Variants in CSK observed in about 807,000 individuals in gnomAD.
CSK encodes C-terminal Src kinase, also known as tyrosine-protein kinase CSK.
Under a neutral mutation model 62.3 loss-of-function variants are expected in CSK, and 7 were observed. The ratio of observed to expected loss-of-function variants is 0.11; its 90% CI spans 0.06 to 0.21. The LOEUF is 0.21. Among genes scored for constraint, CSK ranks in the 10% least tolerant of loss-of-function variants. The probability of loss-of-function intolerance (pLI) is 1.00; values close to 1 mark genes in which losing one functional copy is unlikely to be tolerated. For synonymous variants in CSK, 237 were observed against 246.0 expected (o/e 0.96, Z 0.34); for missense variants, 294 against 613.5 (o/e 0.48, Z 5.50).
At chr15:74,786,642 G>A (rs144256629) in intron 1 of CSK, among the ~76,000 whole-genome samples, 55 of 152,284 alleles carry the variant, frequency 3.6e-4, no homozygotes, top group African/African-American at 1.3e-3. Flanking sequence ...ACCTGAGTGT[G>A]TATCACTGTG....
rs772936161 is a variant in CSK, at chr15:74,800,389, A to T, written c.463-23A>T. The T allele has an allele frequency of 9.9e-6, 16 of 1,609,818 alleles. No individual in the cohort carries two copies. In the East Asian group the frequency reaches 3.3e-4, roughly 34 times the overall value. On this transcript the variant is annotated intron_variant, in intron 5 of 12. Coordinates refer to ENST00000220003, the MANE Select transcript of CSK (RefSeq NM_004383.3). ...GGGGCACCTTGGGCTGTCTCTGAGC[A>T]CCCTGCCCCCCACACCCTGCAGCAC... is the stretch of plus-strand genomic sequence containing the variant.
chr15:74,788,204 C>T (rs1406362970), intron 1 of CSK, among the ~76,000 whole-genome samples: 1 of 152,200 alleles, frequency 6.6e-6, no homozygotes, highest in East Asian at 1.9e-4. Flanking sequence ...CCTCGACAGG[C>T]TCTTGGCCTC....
chr15:74,794,051 G>A (rs1024151967), intron 1 of CSK, among the ~76,000 whole-genome samples: 3 of 152,128 alleles, frequency 2.0e-5, no homozygotes, highest in Admixed American at 2.0e-4. Context: ...CTGTGAAATG[G>A]GGGTAAGAGG....
chr15:74,796,749 A>G (rs891104940), intron 1 of CSK, among the ~76,000 whole-genome samples: 1 of 152,188 alleles, frequency 6.6e-6, no homozygotes, highest in Non-Finnish European at 1.5e-5. Flanking sequence ...GACCCACTTC[A>G]TGATTGGGCT....
Position 74,786,042 on chromosome 15 carries a change from T to TGTGA in CSK, c.-66+3323_-66+3324insTGAG, listed in dbSNP as rs1316590295. Among the ~76,000 whole-genome samples the TGTGA allele has an allele frequency of 7.0e-5, 8 of 114,896 alleles. No individual in the cohort carries two copies. The East Asian group carries it at 9.0e-4, about 13-fold the overall frequency. The allele number at this position is 114,896 out of a possible 152,430, so 75.4% of individuals were successfully genotyped here. On this transcript the variant is annotated intron_variant, in intron 1 of 12. Coordinates refer to ENST00000220003, the MANE Select transcript of CSK (RefSeq NM_004383.3). ...GTGTGTGTGTGTGTGTGTGTGTGTG[T>TGTGA]GAGATGGAGTTTTGCTCTTGTTGCC... is the stretch of plus-strand genomic sequence containing the variant.
intron 4 of CSK, 150 bp downstream of exon 4, chr15:74,799,088 AGCAG>A: frequency 1.0e-6 from 1 of 960,576 alleles, no homozygotes; most frequent in Non-Finnish European, 1.5e-6. Flanking sequence ...GACCTCACAG[AGCAG>A]GGCTGGGGGC....
rs370918283 is a variant in CSK, at chr15:74,801,894, G to C, written c.1083+4G>C. ...CCCTGAGGCCCTGAGAGAGAAGGTG[G>C]GGCTGGCCTCCCCTGGGGCCTACAG... On this transcript the variant is annotated splice_donor_region_variant and intron_variant, in intron 11 of 12. Coordinates refer to ENST00000220003, the MANE Select transcript of CSK (RefSeq NM_004383.3). 6.2e-7 allele frequency: 1 copy of C among 1,609,352 alleles called. No individual in the cohort carries two copies. The highest frequency in any genetic ancestry group is 1.3e-5 in the African/African-American group (1 of 74,820).
intron 1 of CSK, among the ~76,000 whole-genome samples, chr15:74,796,604 A>G (rs1489212336): frequency 1.3e-5 from 2 of 152,086 alleles, no homozygotes; most frequent in Non-Finnish European, 2.9e-5. Flanking sequence ...AAAAAAAAAA[A>G]AAAAAGAAAA....
intron 12 of CSK, 33 bp from the exon 13 acceptor site, chr15:74,802,298 C>T (rs747852409): frequency 1.3e-6 from 2 of 1,551,792 alleles, no homozygotes; most frequent in East Asian, 2.3e-5. Context: ...GAGGCCAGGG[C>T]CTGGACTGAC....
rs2063445812 is a variant in CSK, at chr15:74,782,247, C to CG, written c.-538dup. On this transcript the variant is annotated 5_prime_UTR_variant, in exon 1 of 13. Transcript: ENST00000220003. This position sits in a 1 kb window ranked among gnomAD's most constrained non-coding sequence, Gnocchi z 5.7. Reference sequence around the variant, plus strand: ...CTGCCGGGGTGGGGTCCGAGCCGGGCGACCGCCCGGCTGCGCCGCCGTCGG... The same window carrying CG: ...CTGCCGGGGTGGGGTCCGAGCCGGGCGGACCGCCCGGCTGCGCCGCCGTCGG... 6.7e-6 allele frequency: 1 copy of CG among 149,028 alleles called. No homozygotes were observed. The highest frequency in any genetic ancestry group is 2.4e-5 in the African/African-American group (1 of 41,050). The allele number at this position is 149,028 out of a possible 1,614,324, so 9.2% of individuals were successfully genotyped here. A position where few individuals can be genotyped will look rare whatever the true frequency, so the allele number is the denominator to read the frequency against.
At chr15:74,793,423 G>A (rs991401858) in intron 1 of CSK, among the ~76,000 whole-genome samples, 1 of 152,150 alleles carries the variant, frequency 6.6e-6, no homozygotes, top group South Asian at 2.1e-4. Context: ...TTGCCCCTAG[G>A]CTAGTGTGGT....
chr15:74,798,216 C>T lies in CSK; in HGVS notation c.-65-17C>T. The T allele has an allele frequency of 2.0e-6, 3 of 1,477,200 alleles. No individual in the cohort carries two copies. The highest frequency in any genetic ancestry group is 2.7e-6 in the Non-Finnish European group (3 of 1,101,048). The allele number at this position is 1,477,200 out of a possible 1,614,324, so 91.5% of individuals were successfully genotyped here. A position where few individuals can be genotyped will look rare whatever the true frequency, so the allele number is the denominator to read the frequency against. ...TTTCTTCACACCCCTCCTCAGTCTT[C>T]ATGCTCTTCCCCACAGCTCTAATGG... is the stretch of plus-strand genomic sequence containing the variant. On this transcript the variant is annotated splice_polypyrimidine_tract_variant and intron_variant, in intron 1 of 12. Coordinates refer to ENST00000220003, the MANE Select transcript of CSK (RefSeq NM_004383.3). The surrounding 1 kb of genome is among the most constrained non-coding windows in gnomAD (Gnocchi z 6.6).
rs1343673404 is a variant in CSK at position 74,782,264 on chromosome 15, C to G, written c.-522C>G. 6.7e-6 allele frequency: 1 copy of G among 149,024 alleles called. No homozygotes were observed. The highest frequency in any genetic ancestry group is 2.4e-5 in the African/African-American group (1 of 41,050). The allele number at this position is 149,024 out of a possible 1,614,324, so 9.2% of individuals were successfully genotyped here. A position where few individuals can be genotyped will look rare whatever the true frequency, so the allele number is the denominator to read the frequency against. ...GAGCCGGGCGACCGCCCGGCTGCGC[C>G]GCCGTCGGGGCCGTAACCCGGCCCG... On this transcript the variant is annotated 5_prime_UTR_variant, in exon 1 of 13. Transcript: ENST00000220003. The surrounding 1 kb of genome is among the most constrained non-coding windows in gnomAD (Gnocchi z 5.7).
In CSK at chr15:74,798,930, C is replaced by T. The variant is rs368457981; in HGVS notation, c.234C>T (p.Ser78=). 1.2e-5 allele frequency: 19 copies of T among 1,526,352 alleles called. No individual in the cohort carries two copies. The highest frequency in any genetic ancestry group is 1.7e-5 in the Non-Finnish European group (19 of 1,137,626). 94.6% of individuals were successfully genotyped at this position (1,526,352 alleles called of 1,614,324 possible). A position where few individuals can be genotyped will look rare whatever the true frequency, so the allele number is the denominator to read the frequency against. The change falls in exon 4 of 13, where the codon AGC becomes AGT. Residue 78 remains serine, a synonymous_variant. Coordinates refer to ENST00000220003, the MANE Select transcript of CSK (RefSeq NM_004383.3). The surrounding 1 kb of genome is among the most constrained non-coding windows in gnomAD (Gnocchi z 6.6). ...GCGTGAAGGCGGGTACCAAACTCAGCCTCATGCCGTGAGTACCACGAGGAG... is the reference window on the plus strand; with the variant it reads ...GCGTGAAGGCGGGTACCAAACTCAGTCTCATGCCGTGAGTACCACGAGGAG... ...REGVKAGTKL[S]LMPWFHGKIT...
At chr15:74,796,502 G>C (rs562814804) in intron 1 of CSK, among the ~76,000 whole-genome samples, 31 of 151,736 alleles carry the variant, frequency 2.0e-4, no homozygotes, top group Non-Finnish European at 1.6e-4. Flanking sequence ...GCTGAGGCAG[G>C]AGGATTGGCT....
chr15:74,795,708 C>T (rs964602817), intron 1 of CSK, among the ~76,000 whole-genome samples: 5 of 152,204 alleles, frequency 3.3e-5, no homozygotes, highest in African/African-American at 9.6e-5. Flanking sequence ...AGTAAATATA[C>T]GGTTGACCCT....
intron 9 of CSK, 125 bp from the exon 10 acceptor site, chr15:74,801,397 C>T: frequency 1.1e-6 from 1 of 899,230 alleles, no homozygotes; most frequent in African/African-American, 1.7e-5. Flanking sequence ...TGTTCTGGCC[C>T]CTCCCCACTC....
chr15:74,787,181 G>A (rs1489368880), intron 1 of CSK, among the ~76,000 whole-genome samples: 2 of 152,202 alleles, frequency 1.3e-5, no homozygotes, highest in African/African-American at 4.8e-5. Flanking sequence ...TCCAAGGGCT[G>A]GAAATAGAAT....
At chr15:74,795,496 G>A (rs1041460216) in intron 1 of CSK, among the ~76,000 whole-genome samples, 4 of 152,096 alleles carry the variant, frequency 2.6e-5, no homozygotes, top group African/African-American at 4.8e-5. Context: ...CTGTGACCAC[G>A]AAGATGCCAC....
Sources: allele counts gnomAD v4.1 joint callset (sites outside exome capture counted in the v4.1 genomes callset), GRCh38; gene constraint gnomAD v4.1.1; non-coding constraint Gnocchi (gnomAD v3.1); transcripts MANE v1.5; gene names NCBI Gene and HGNC (gene_info 2026-07-23, HGNC 2026-07-21).